Variants in SFRP4 observed in about 807,000 individuals in gnomAD.
SFRP4 encodes the protein secreted frizzled related protein 4.
SFRP4 carries 25 observed loss-of-function variants against 36.3 expected under a neutral mutation model. The observed-to-expected ratio is 0.69, with a 90% confidence interval of 0.50 to 0.96. The LOEUF is 0.96. Among genes scored for constraint, SFRP4 ranks in the 40% least tolerant of loss-of-function variants. SFRP4 has a pLI of 0.00. For missense variants in SFRP4, 487 were observed against 459.6 expected, an observed-to-expected ratio of 1.06 and a Z score of -0.54; for synonymous variants, 182 against 168.8, an observed-to-expected ratio of 1.08 and a Z score of -0.60.
At chr7:37,910,846 T>C (rs923456052) in intron 4 of SFRP4, among the ~76,000 whole-genome samples, 1 of 152,226 alleles carries the variant, frequency 6.6e-6, no homozygotes, top group African/African-American at 2.4e-5. Context: ...GTTTCATTTA[T>C]CTTTACGTCT....
In SFRP4 at chr7:37,907,301, G is replaced by T. The variant is rs1785411148; in HGVS notation, c.*178C>A. On this transcript the variant is annotated 3_prime_UTR_variant, in exon 6 of 6. Coordinates refer to ENST00000436072, the MANE Select transcript of SFRP4 (RefSeq NM_003014.4). ...AAACCTACCACTATGGCTTGTGATG[G>T]CTTACAAAGAAAAACTGAAGCATAG... 1.8e-6 allele frequency: 1 copy of T among 541,090 alleles called. No homozygotes were observed. Among genetic ancestry groups the T allele is most frequent in the Non-Finnish European group, 3.2e-6 (1 of 310,438 alleles). 33.5% of individuals were successfully genotyped at this position (541,090 alleles called of 1,614,324 possible).
chr7:37,907,674 A>G lies in SFRP4; in HGVS notation c.856-10T>C. 6.3e-7 allele frequency: 1 copy of G among 1,597,624 alleles called. No individual in the cohort carries two copies. The highest frequency in any genetic ancestry group is 8.5e-7 in the Non-Finnish European group (1 of 1,171,958). On this transcript the variant is annotated splice_polypyrimidine_tract_variant and intron_variant, in intron 5 of 5. Coordinates refer to ENST00000436072, the MANE Select transcript of SFRP4 (RefSeq NM_003014.4). The stretch of plus-strand genomic sequence containing the variant: ...GCCTCTCTTCCCACTGCTGAAAAGC[A>G]ATTTGTAAACATGACTGTCAAATTA...
chr7:37,908,124 T>A (rs2131985426), intron 5 of SFRP4, among the ~76,000 whole-genome samples: 1 of 152,282 alleles, frequency 6.6e-6, no homozygotes, highest in East Asian at 1.9e-4. Flanking sequence ...CCCATGTCAC[T>A]GGGAAGTCAG....
In SFRP4 at chr7:37,916,544, G is replaced by A. The variant is rs1785583588; in HGVS notation, c.-7C>T. On this transcript the variant is annotated 5_prime_UTR_variant, in exon 1 of 6. Coordinates refer to ENST00000436072, the MANE Select transcript of SFRP4 (RefSeq NM_003014.4). This position sits in a 1 kb window ranked among gnomAD's most constrained non-coding sequence, Gnocchi z 4.1. ...CTAGGATGGAGAGGAACATGGCACT[G>A]CCCTCTCGCGCTGCGACCCCGGCAG... 1 of 1,597,824 alleles carries A rather than the reference G, an allele frequency of 6.3e-7. No individual in the cohort carries two copies. The highest frequency in any genetic ancestry group is 8.5e-7 in the Non-Finnish European group (1 of 1,173,630).
At chr7:37,910,513 C>T (rs6965395) in intron 4 of SFRP4, among the ~76,000 whole-genome samples, 33,168 of 151,666 alleles carry the variant, frequency 0.22, 3,692 homozygotes, top group Non-Finnish European at 0.23. Context: ...TAATATTATG[C>T]AGTCAGATAT....
At chr7:37,915,577 A>G (rs1474319856) in intron 1 of SFRP4, among the ~76,000 whole-genome samples, 14 of 152,246 alleles carry the variant, frequency 9.2e-5, no homozygotes, top group Admixed American at 9.2e-4. Flanking sequence ...GCCAATGACT[A>G]TGAAACAGAC....
intron 4 of SFRP4, among the ~76,000 whole-genome samples, chr7:37,911,918 T>C (rs903039304): frequency 1.1e-4 from 12 of 104,986 alleles, no homozygotes; most frequent in Admixed American, 4.8e-4. Flanking sequence ...TCTATTCAAA[T>C]ACTCATATTT....
chr7:37,907,473 G>C lies in SFRP4; in HGVS notation c.*6C>G. Reference sequence around the variant, plus strand: ...TCGGAAGTCTCCGCTTTGGAAACTAGTTAGCTCACACTCTTTTCGGGTTTG... The same window carrying C: ...TCGGAAGTCTCCGCTTTGGAAACTACTTAGCTCACACTCTTTTCGGGTTTG... On this transcript the variant is annotated 3_prime_UTR_variant, in exon 6 of 6. Coordinates refer to ENST00000436072, the MANE Select transcript of SFRP4 (RefSeq NM_003014.4). 6.2e-7 allele frequency: 1 copy of C among 1,611,046 alleles called. No homozygotes were observed. Among genetic ancestry groups the C allele is most frequent in the South Asian group, 1.1e-5 (1 of 90,656 alleles).
Position 37,914,257 on chromosome 7 carries a change from A to G in SFRP4, c.548T>C (p.Val183Ala), listed in dbSNP as rs1410018965. 1.9e-6 allele frequency: 3 copies of G among 1,614,196 alleles called. No homozygotes were observed. The highest frequency in any genetic ancestry group is 3.3e-5 in the Admixed American group (2 of 60,028). ...GAGATACGTTGCCAAAGTTGGCTTC[A>G]CCTTTTTACACTTGCACCGATCTAA... ...LSPDRCKCKK[V>A]KPTLATYLSK... Residue 183 changes from valine to alanine, a missense_variant, in exon 3 of 6, where the codon GTG (valine) becomes GCG (alanine). By Grantham distance (64) the Val-to-Ala change is moderately conservative (BLOSUM62 0). Transcript: ENST00000436072.
chr7:37,908,941 G>A (rs1173320621), intron 5 of SFRP4, among the ~76,000 whole-genome samples: 1 of 152,132 alleles, frequency 6.6e-6, no homozygotes, highest in African/African-American at 2.4e-5. Context: ...ATAGCAATAT[G>A]TTTTGTGAAC....
Position 37,916,714 on chromosome 7 carries a change from C to A in SFRP4, c.-177G>T. 1 of 955,544 alleles carries A rather than the reference C, an allele frequency of 1.0e-6. No homozygotes were observed. The highest frequency in any genetic ancestry group is 1.5e-6 in the Non-Finnish European group (1 of 659,816). 59.2% of individuals were successfully genotyped at this position (955,544 alleles called of 1,614,324 possible). On this transcript the variant is annotated 5_prime_UTR_variant, in exon 1 of 6. Transcript: ENST00000436072. The surrounding 1 kb of genome is among the most constrained non-coding windows in gnomAD (Gnocchi z 4.1). Reference sequence around the variant, plus strand: ...GCCGCGGGGTCCGGCCGCGGAGCTCCGCCGTCTGGCACACAGGGCACGAGC... The same window carrying A: ...GCCGCGGGGTCCGGCCGCGGAGCTCAGCCGTCTGGCACACAGGGCACGAGC...
intron 5 of SFRP4, 100 bp downstream of exon 5, chr7:37,909,517 G>T (rs932463029): frequency 6.2e-6 from 4 of 649,054 alleles, no homozygotes; most frequent in African/African-American, 5.6e-5. Context: ...TGGCTCTTAT[G>T]AGAGCTTGGA....
rs1474139768 is a variant in SFRP4 at position 37,916,200 on chromosome 7, T to C, written c.338A>G (p.Lys113Arg). Reference sequence around the variant, plus strand: ...TTCGGGCCAGCTGTGGTTGTACATCTTCATGAGGGGCTCGCAGTCGTCGCG... The same window carrying C: ...TTCGGGCCAGCTGTGGTTGTACATCCTCATGAGGGGCTCGCAGTCGTCGCG... ...RARDDCEPLM[K>R]MYNHSWPESL... The change falls in exon 1 of 6, where the codon AAG becomes AGG. Residue 113 changes from lysine to arginine, a missense_variant. By Grantham distance (26) the Lys-to-Arg change is conservative. Coordinates refer to ENST00000436072, the MANE Select transcript of SFRP4 (RefSeq NM_003014.4). This position sits in a 1 kb window ranked among gnomAD's most constrained non-coding sequence, Gnocchi z 4.1. 3 of 1,614,032 alleles carry C rather than the reference T, an allele frequency of 1.9e-6. No individual in the cohort carries two copies. Among genetic ancestry groups the C allele is most frequent in the Non-Finnish European group, 1.7e-6 (2 of 1,180,050 alleles).
At position 37,906,032 on chromosome 7, in the gene SFRP4, C is replaced by CA; in HGVS notation, c.*1446dup. 6.6e-6 allele frequency: 1 copy of CA among 152,208 alleles called. No individual in the cohort carries two copies. The highest frequency in any genetic ancestry group is 1.5e-5 in the Non-Finnish European group (1 of 68,008). 9.4% of individuals were successfully genotyped at this position (152,208 alleles called of 1,614,324 possible). A position where few individuals can be genotyped will look rare whatever the true frequency, so the allele number is the denominator to read the frequency against. On this transcript the variant is annotated 3_prime_UTR_variant, in exon 6 of 6. Transcript: ENST00000436072. The stretch of plus-strand genomic sequence containing the variant: ...GAGTAATGCATACTATGGAATATAA[C>CA]ACAGCTGTTAGAAATGAGATGGTTT...
chr7:37,909,617 T>A lies in SFRP4; in HGVS notation c.855A>T (p.Ile285=). 1.9e-6 allele frequency: 3 copies of A among 1,549,154 alleles called. No individual in the cohort carries two copies. The highest frequency in any genetic ancestry group is 2.6e-6 in the Non-Finnish European group (3 of 1,138,788). Residue 285 remains isoleucine (I), a splice_region_variant and synonymous_variant, in exon 5 of 6, where the codon ATA becomes ATT. Transcript: ENST00000436072. ...KWRDQLSKRS[I]QWEERLQEQR... ...TCACAGCATTGTTCATGATACTTAC[T>A]ATGGATCTTTTACTAAGCTGATCTC...
intron 3 of SFRP4, 26 bp downstream of exon 3, chr7:37,914,187 G>A (rs1346905972): frequency 6.3e-7 from 1 of 1,585,260 alleles, no homozygotes; most frequent in East Asian, 2.2e-5. Context: ...AGTCTCAAAA[G>A]TAAATGGCTT....
Position 37,916,619 on chromosome 7 carries a change from C to T in SFRP4, c.-82G>A. 6.6e-7 allele frequency: 1 copy of T among 1,507,794 alleles called. No homozygotes were observed. Among genetic ancestry groups the T allele is most frequent in the Non-Finnish European group, 8.9e-7 (1 of 1,127,646 alleles). 93.4% of individuals were successfully genotyped at this position (1,507,794 alleles called of 1,614,324 possible). On this transcript the variant is annotated 5_prime_UTR_variant, in exon 1 of 6. Transcript: ENST00000436072. This position sits in a 1 kb window ranked among gnomAD's most constrained non-coding sequence, Gnocchi z 4.1. ...CCACCCTCATCTTTCGCTGTCCCTT[C>T]GCCGAGGAAGAAATCCTCTGGGGCG...
At chr7:37,909,910 A>G (rs542293927) in intron 4 of SFRP4, 2 of 287,190 alleles carry the variant, frequency 7.0e-6, no homozygotes, top group Admixed American at 5.2e-5. Flanking sequence ...TCCTTTTGTC[A>G]TTATATGATC....
In SFRP4 at chr7:37,913,755, TA is replaced by T. The variant is rs1217734559; in HGVS notation, c.592+457del. 2.6e-5 allele frequency among the ~76,000 whole-genome samples: 4 copies of T among 152,226 alleles called. No homozygotes were observed. In the East Asian group the frequency reaches 7.7e-4, roughly 29 times the overall value. On this transcript the variant is annotated intron_variant, in intron 3 of 5. Coordinates refer to ENST00000436072, the MANE Select transcript of SFRP4 (RefSeq NM_003014.4). ...ATTTAAGATGTTAAATATTTGTAGC[TA>T]GTCACAAGTAAAAGGATATGCAGGC...
Sources: gnomAD v4.1 joint callset for allele counts (sites outside exome capture counted in the v4.1 genomes callset) on GRCh38, gnomAD v4.1.1 for gene constraint, Gnocchi (gnomAD v3.1) non-coding constraint, MANE v1.5 for transcripts, NCBI Gene and HGNC (gene_info 2026-07-23, HGNC 2026-07-21) for gene names.